Variants in CACNB2 observed in about 807,000 individuals in gnomAD.
CACNB2 encodes the protein calcium voltage-gated channel auxiliary subunit beta 2, also known as voltage-dependent L-type calcium channel subunit beta-2.
CACNB2 carries 42 observed loss-of-function variants against 73.3 expected under a neutral mutation model. That is an observed-to-expected ratio of 0.57 (90% CI 0.45 to 0.74). The LOEUF (loss-of-function observed/expected upper bound fraction) is 0.74, where lower values mean the gene tolerates loss of function less well. Among genes scored for constraint, CACNB2 ranks in the 30% least tolerant of loss-of-function variants. CACNB2 has a pLI of 0.00. For missense variants in CACNB2, 940 were observed against 853.0 expected (o/e 1.10, Z -1.27); for synonymous variants, 348 against 310.3 (o/e 1.12, Z -1.28).
At chr10:18,390,476 T>G (rs1001349266) in intron 2 of CACNB2, among the ~76,000 whole-genome samples, 3 of 152,248 alleles carry the variant, frequency 2.0e-5, no homozygotes, top group Non-Finnish European at 4.4e-5. Flanking sequence ...CCTCCCAAAG[T>G]GCTGGGATTA....
At chr10:18,479,295 G>A (rs2048598644) in intron 3 of CACNB2, among the ~76,000 whole-genome samples, 1 of 151,944 alleles carries the variant, frequency 6.6e-6, no homozygotes, top group South Asian at 2.1e-4. Context: ...TTTCTGCCAA[G>A]ATAAATGCAA....
chr10:18,498,614 A>G (rs2049984979), intron 4 of CACNB2, 137 bp downstream of exon 4: 7 of 868,894 alleles, frequency 8.1e-6, no homozygotes, highest in African/African-American at 1.7e-5. Context: ...AACTAAATCA[A>G]TGGCTCTCAA....
intron 2 of CACNB2, among the ~76,000 whole-genome samples, chr10:18,197,871 G>A (rs1350221672): frequency 6.7e-6 from 1 of 149,648 alleles, no homozygotes; most frequent in Non-Finnish European, 1.5e-5. Context: ...TATGAGCTTT[G>A]CATATATTAA....
At chr10:18,446,467 A>G (rs768489073) in intron 3 of CACNB2, among the ~76,000 whole-genome samples, 13 of 152,206 alleles carry the variant, frequency 8.5e-5, no homozygotes, top group Non-Finnish European at 1.5e-4. Flanking sequence ...TAAGGTGACT[A>G]TAAGACTAGA....
chr10:18,410,497 G>C (rs1412349664), intron 3 of CACNB2, among the ~76,000 whole-genome samples: 1 of 150,140 alleles, frequency 6.7e-6, no homozygotes, highest in Non-Finnish European at 1.5e-5. Flanking sequence ...TCAGCCTGAA[G>C]ATAGTTTATT....
chr10:18,460,135 G>T (rs2047490972), intron 3 of CACNB2, among the ~76,000 whole-genome samples: 1 of 152,176 alleles, frequency 6.6e-6, no homozygotes, highest in Non-Finnish European at 1.5e-5. Flanking sequence ...TGGCAAGTGG[G>T]ATCATGGACA....
intron 3 of CACNB2, among the ~76,000 whole-genome samples, chr10:18,475,781 G>A (rs998586769): frequency 2.0e-5 from 3 of 152,164 alleles, no homozygotes; most frequent in Non-Finnish European, 2.9e-5. Context: ...TGTGTGTTCA[G>A]ACTCACTTCA....
At position 18,354,658 on chromosome 10, in the gene CACNB2, A is replaced by AGT. The variant is rs1564462082; in HGVS notation, c.214-47266_214-47265insGT. On this transcript the variant is annotated intron_variant, in intron 2 of 13. Coordinates refer to ENST00000324631, the MANE Select transcript of CACNB2 (RefSeq NM_201596.3). ...CAATTACAACTATAGGGATGGGGGA[A>AGT]CTATCTTTAGAGGAGTCTCAGGACC... is the stretch of plus-strand genomic sequence containing the variant. Among the ~76,000 whole-genome samples, 10 of 152,234 alleles carry AGT rather than the reference A, an allele frequency of 6.6e-5. No individual in the cohort carries two copies. The East Asian group carries it at 1.4e-3, about 21-fold the overall frequency.
At chr10:18,224,425 A>G (rs1170576114) in intron 2 of CACNB2, 4 of 152,154 alleles carry the variant, frequency 2.6e-5, no homozygotes, top group African/African-American at 9.7e-5. Context: ...ATACAAAATT[A>G]AAGGAAATCC....
intron 2 of CACNB2, among the ~76,000 whole-genome samples, chr10:18,219,486 A>G (rs2035642255): frequency 6.6e-5 from 10 of 152,124 alleles, no homozygotes; most frequent in Admixed American, 6.6e-4. Context: ...TCTTTTCCTA[A>G]TCCTTTTACT....
intron 2 of CACNB2, among the ~76,000 whole-genome samples, chr10:18,169,120 G>C (rs1183631459): frequency 1.3e-5 from 2 of 151,816 alleles, no homozygotes; most frequent in Non-Finnish European, 2.9e-5. Flanking sequence ...AATCGAGCAT[G>C]ATCATACTGT....
intron 3 of CACNB2, among the ~76,000 whole-genome samples, chr10:18,495,818 TAAG>T (rs948631215): frequency 2.6e-5 from 4 of 152,104 alleles, no homozygotes; most frequent in Non-Finnish European, 4.4e-5. Flanking sequence ...TTTATATACT[TAAG>T]AACATTTCTA....
At position 18,486,495 on chromosome 10, in the gene CACNB2, G is replaced by C. The variant is rs141168462; in HGVS notation, c.334-11860G>C. 2.6e-5 allele frequency among the ~76,000 whole-genome samples: 4 copies of C among 152,298 alleles called. No individual in the cohort carries two copies. The East Asian group carries it at 7.7e-4, about 29-fold the overall frequency. ...TTTTCTAAACATTAACCACCTCTCT[G>C]ACAAGAGCCTGTGGGCCTCCACACA... On this transcript the variant is annotated intron_variant, in intron 3 of 13. Coordinates refer to ENST00000324631, the MANE Select transcript of CACNB2 (RefSeq NM_201596.3).
intron 2 of CACNB2, among the ~76,000 whole-genome samples, chr10:18,293,691 G>T (rs1031053226): frequency 6.6e-6 from 1 of 152,112 alleles, no homozygotes; most frequent in Non-Finnish European, 1.5e-5. Flanking sequence ...AAAATTCCCC[G>T]GTGTATCCCA....
chr10:18,428,208 C>T (rs1298892005), intron 3 of CACNB2, among the ~76,000 whole-genome samples: 1 of 152,042 alleles, frequency 6.6e-6, no homozygotes, highest in Non-Finnish European at 1.5e-5. Context: ...TGGGAGAGAG[C>T]TCTTTTTTTT....
Position 18,538,252 on chromosome 10 carries a change from G to A in CACNB2, c.1375G>A (p.Ala459Thr). 1.2e-6 allele frequency: 2 copies of A among 1,614,084 alleles called. No homozygotes were observed. The highest frequency in any genetic ancestry group is 1.7e-6 in the Non-Finnish European group (2 of 1,179,992). The change falls in exon 13 of 14, where the codon GCC becomes ACC. Residue 459 changes from alanine to threonine, a missense_variant. By Grantham distance (58) the Ala-to-Thr change is moderately conservative. Coordinates refer to ENST00000324631, the MANE Select transcript of CACNB2 (RefSeq NM_201596.3). ...TGAGCACCTTGCCGACTATCTGGAG[G>A]CCTACTGGAAGGCCACCCATCCTCC... ...ACEHLADYLE[A>T]YWKATHPPSS...
chr10:18,427,157 G>C (rs1440196780), intron 3 of CACNB2, among the ~76,000 whole-genome samples: 3 of 151,872 alleles, frequency 2.0e-5, no homozygotes. Flanking sequence ...GTTTCTCCAT[G>C]CTGGTCAGGC....
intron 3 of CACNB2, among the ~76,000 whole-genome samples, chr10:18,432,681 CA>C (rs1428760484): frequency 6.6e-6 from 1 of 151,824 alleles, no homozygotes; most frequent in Middle Eastern, 3.2e-3. Context: ...AAAAAAAATA[CA>C]AAAACTAGCC....
At chr10:18,421,318 A>G (rs902542086) in intron 3 of CACNB2, among the ~76,000 whole-genome samples, 1 of 149,228 alleles carries the variant, frequency 6.7e-6, no homozygotes, top group African/African-American at 2.5e-5. Context: ...TTTTTCTAAG[A>G]CAGAATTTCA....
Sources: gnomAD v4.1 joint callset for allele counts (sites outside exome capture counted in the v4.1 genomes callset) on GRCh38, gnomAD v4.1.1 for gene constraint, MANE v1.5 for transcripts, NCBI Gene and HGNC (gene_info 2026-07-23, HGNC 2026-07-21) for gene names.